NTM: variants seen among roughly 807,000 people sequenced by gnomAD.
NTM encodes IgLON family member 2.
A neutral mutation model predicts 42.1 loss-of-function variants in NTM; 13 were observed. That is an observed-to-expected ratio of 0.31 (90% CI 0.20 to 0.49). The LOEUF is 0.49. NTM is among the 20% of genes least tolerant of loss of function. The pLI, the probability that NTM is intolerant of heterozygous loss-of-function variation, is 0.99. For synonymous variants in NTM, 187 were observed against 179.2 expected (o/e 1.04, Z -0.35); for missense variants, 373 against 452.8 (o/e 0.82, Z 1.60).
At chr11:131,676,382 C>T (rs2071388221) in intron 1 of NTM, among the ~76,000 whole-genome samples, 1 of 152,168 alleles carries the variant, frequency 6.6e-6, no homozygotes, top group African/African-American at 2.4e-5. Context: ...GTCTAAGCTA[C>T]CCAAAGAAGT....
intron 4 of NTM, among the ~76,000 whole-genome samples, chr11:132,245,715 C>T (rs969390132): frequency 1.3e-5 from 2 of 152,082 alleles, no homozygotes; most frequent in African/African-American, 4.8e-5. Flanking sequence ...ATGTTATTTG[C>T]CTCCCAGCAC....
intron 2 of NTM, among the ~76,000 whole-genome samples, chr11:132,131,484 G>A (rs1342411912): frequency 6.6e-6 from 1 of 152,222 alleles, no homozygotes; most frequent in Non-Finnish European, 1.5e-5. Context: ...CAAAGGTTAT[G>A]ATGGAACCCT....
At chr11:132,324,616 C>A (rs1262534075) in intron 7 of NTM, among the ~76,000 whole-genome samples, 4 of 144,856 alleles carry the variant, frequency 2.8e-5, no homozygotes, top group Non-Finnish European at 6.1e-5. Flanking sequence ...TTTACAGATT[C>A]AATGCCATCC....
intron 2 of NTM, among the ~76,000 whole-genome samples, chr11:132,010,603 A>G (rs1172577315): frequency 7.5e-6 from 1 of 133,562 alleles, no homozygotes; most frequent in Non-Finnish European, 1.5e-5. Flanking sequence ...TTATTAAGTG[A>G]CCATTTCTAC....
intron 4 of NTM, among the ~76,000 whole-genome samples, chr11:132,215,296 C>G (rs1021327595): frequency 6.6e-6 from 1 of 152,204 alleles, no homozygotes; most frequent in African/African-American, 2.4e-5. Context: ...TTTCAGCAAC[C>G]CTGATGACTT....
chr11:132,210,182 A>G (rs1417961776), intron 3 of NTM, among the ~76,000 whole-genome samples: 1 of 152,236 alleles, frequency 6.6e-6, no homozygotes, highest in Non-Finnish European at 1.5e-5. Context: ...GGTGTGCTTT[A>G]GAATTGCACA....
At chr11:131,458,759 G>T (rs1447486039) in intron 1 of NTM, among the ~76,000 whole-genome samples, 1 of 152,208 alleles carries the variant, frequency 6.6e-6, no homozygotes, top group Non-Finnish European at 1.5e-5. Context: ...GTCTAAACTG[G>T]GTTGTCAAAT....
At chr11:131,690,824 C>G (rs2074575826) in intron 1 of NTM, among the ~76,000 whole-genome samples, 6 of 152,156 alleles carry the variant, frequency 3.9e-5, no homozygotes. Context: ...AGGCACACGG[C>G]GGGTGAAGAC....
chr11:131,487,722 AC>A (rs891831225), intron 1 of NTM, among the ~76,000 whole-genome samples: 2 of 151,970 alleles, frequency 1.3e-5, no homozygotes, highest in African/African-American at 2.4e-5. Context: ...AGCTCTTGCT[AC>A]CCCTAGGCTT....
chr11:132,032,277 C>A (rs11222873), intron 2 of NTM, among the ~76,000 whole-genome samples: 3 of 152,098 alleles, frequency 2.0e-5, no homozygotes, highest in Non-Finnish European at 2.9e-5. Flanking sequence ...GCTTTGTCTC[C>A]TTGTGCATGC....
intron 2 of NTM, among the ~76,000 whole-genome samples, chr11:132,007,414 G>C (rs2071047700): frequency 6.6e-6 from 1 of 152,176 alleles, no homozygotes; most frequent in Non-Finnish European, 1.5e-5. Flanking sequence ...AGGAGAGTCA[G>C]GAGGGCATAA....
chr11:132,196,076 T>G (rs2080157285), intron 3 of NTM, among the ~76,000 whole-genome samples: 2 of 152,146 alleles, frequency 1.3e-5, no homozygotes, highest in African/African-American at 4.8e-5. Context: ...GTCCAGAATC[T>G]ATAACGAACT....
intron 2 of NTM, among the ~76,000 whole-genome samples, chr11:132,142,253 C>A (rs935650461): frequency 6.6e-6 from 1 of 152,222 alleles, no homozygotes; most frequent in African/African-American, 2.4e-5. Context: ...GAGCGGCCAT[C>A]TCCAGTTCAG....
intron 1 of NTM, among the ~76,000 whole-genome samples, chr11:131,824,490 G>A (rs1178210306): frequency 6.6e-6 from 1 of 152,222 alleles, no homozygotes. Context: ...ATAGTAGAAA[G>A]CGTAAATCCT....
chr11:132,138,615 T>TATCTATCATCTATCTATCTATCTATC (rs1555280056), intron 2 of NTM, among the ~76,000 whole-genome samples: 2 of 110,006 alleles, frequency 1.8e-5, no homozygotes, highest in Admixed American at 1.7e-4. Context: ...TCTATCTATC[T>TATCTATCATCTATCTATCTATCTATC]ATCTATTCTA....
chr11:131,525,146 T>C (rs956983539), intron 1 of NTM, among the ~76,000 whole-genome samples: 3 of 152,034 alleles, frequency 2.0e-5, no homozygotes, highest in African/African-American at 4.8e-5. Context: ...GGAAGGGACA[T>C]GGCCCCAGAG....
chr11:131,962,449 A>C (rs1024604571), intron 2 of NTM, among the ~76,000 whole-genome samples: 3 of 152,198 alleles, frequency 2.0e-5, no homozygotes, highest in African/African-American at 7.2e-5. Flanking sequence ...TAATGGAATT[A>C]GTGCCTTTAT....
intron 1 of NTM, among the ~76,000 whole-genome samples, chr11:131,503,898 T>C (rs2047153245): frequency 6.6e-6 from 1 of 152,190 alleles, no homozygotes; most frequent in South Asian, 2.1e-4. Flanking sequence ...TGAAGTTAAC[T>C]GGGGTAGGAA....
intron 1 of NTM, among the ~76,000 whole-genome samples, chr11:131,485,266 G>A (rs962605616): frequency 6.6e-6 from 1 of 151,308 alleles, no homozygotes; most frequent in African/African-American, 2.5e-5. Context: ...AGGCTGGGAG[G>A]AAGGATGAAG....
Sources: allele counts gnomAD v4.1 joint callset (sites outside exome capture counted in the v4.1 genomes callset), GRCh38; gene constraint gnomAD v4.1.1; transcripts MANE v1.5; gene names NCBI Gene and HGNC (gene_info 2026-07-23, HGNC 2026-07-21).